CCDC169: variants seen among roughly 807,000 people sequenced by gnomAD.
CCDC169 encodes coiled-coil domain containing 169.
A neutral mutation model predicts 36.0 loss-of-function variants in CCDC169; 30 were observed. The observed-to-expected ratio is 0.83, with a 90% CI of 0.62 to 1.13. CCDC169 has a LOEUF of 1.13. Ranked by LOEUF, CCDC169 falls within the 50% of genes most tolerant of loss-of-function variation. The pLI, the probability that CCDC169 is intolerant of heterozygous loss-of-function variation, is 0.00. For synonymous variants in CCDC169, 85 were observed against 81.5 expected, an observed-to-expected ratio of 1.04 and a Z score of -0.23; for missense variants, 245 against 245.9, an observed-to-expected ratio of 1.00 and a Z score of 0.03.
chr13:36,236,796 G>C (rs1026028701), intron 7 of CCDC169, among the ~76,000 whole-genome samples: 3 of 151,886 alleles, frequency 2.0e-5, no homozygotes, highest in African/African-American at 7.2e-5. Context: ...AATAGGCAAA[G>C]GACTTGAATA....
chr13:36,243,586 C>A (rs970996728), intron 7 of CCDC169, among the ~76,000 whole-genome samples: 1 of 152,070 alleles, frequency 6.6e-6, no homozygotes. Context: ...GCAGGCGGAT[C>A]ACCTGAGGTC....
At chr13:36,227,507 T>A (rs552702205), downstream of CCDC169, 5 of 1,095,372 alleles carry the variant, frequency 4.6e-6, no homozygotes, top group South Asian at 2.1e-4. Flanking sequence ...CAAAAATAAA[T>A]AAATAAATAA....
chr13:36,257,675 C>T (rs1334189052), intron 4 of CCDC169, among the ~76,000 whole-genome samples: 3 of 151,656 alleles, frequency 2.0e-5, no homozygotes, highest in South Asian at 2.1e-4. Context: ...TGTACTCCAC[C>T]CTGGCAACAC....
chr13:36,227,461 G>C, downstream of CCDC169: 1 of 1,357,812 alleles, frequency 7.4e-7, no homozygotes, highest in Non-Finnish European at 9.6e-7. Flanking sequence ...ATTCCAACCA[G>C]TTTATTGTAT....
chr13:36,251,359 C>T (rs1005651994), intron 6 of CCDC169, among the ~76,000 whole-genome samples: 2 of 145,238 alleles, frequency 1.4e-5, no homozygotes, highest in African/African-American at 2.5e-5. Flanking sequence ...ATTAACAATT[C>T]ACTCTAGAGT....
At chr13:36,250,980 G>C (rs1046662020) in intron 6 of CCDC169, among the ~76,000 whole-genome samples, 2 of 152,192 alleles carry the variant, frequency 1.3e-5, no homozygotes, top group Non-Finnish European at 2.9e-5. Context: ...TGTTTACAAA[G>C]ATAGAAGCTA....
downstream of CCDC169, among the ~76,000 whole-genome samples, chr13:36,229,139 G>A (rs901663184): frequency 1.1e-4 from 16 of 152,194 alleles, no homozygotes; most frequent in South Asian, 2.9e-3. Context: ...TAAATATGTG[G>A]TAAGTACCCT....
In CCDC169 at chr13:36,254,149, A is replaced by G. The variant is rs968555733; in HGVS notation, c.316-6T>C. On this transcript the variant is annotated splice_region_variant and splice_polypyrimidine_tract_variant and intron_variant, in intron 4 of 7. Coordinates refer to ENST00000239859, the MANE Select transcript of CCDC169 (RefSeq NM_001144981.3). ...AGTAATGTGTTTAAGGATTCCTAAA[A>G]ATATAAATAGTAAAATTTTATATGT... 3.8e-5 allele frequency: 57 copies of G among 1,493,834 alleles called. No homozygotes were observed. The highest frequency in any genetic ancestry group is 5.0e-5 in the Non-Finnish European group (56 of 1,122,686). The allele number at this position is 1,493,834 out of a possible 1,614,324, so 92.5% of individuals were successfully genotyped here.
At chr13:36,227,251 A>G, downstream of CCDC169, 1 of 1,551,266 alleles carries the variant, frequency 6.4e-7, no homozygotes, top group South Asian at 1.2e-5. Context: ...GACCCATGTA[A>G]GCAGGCGGGC....
chr13:36,285,607 A>ATAGATAGATAGATAGATAGATAGATAGC (rs1180330152), intron 2 of CCDC169, among the ~76,000 whole-genome samples: 3 of 149,162 alleles, frequency 2.0e-5, no homozygotes, highest in African/African-American at 4.9e-5. Context: ...AGATAGATAG[A>ATAGATAGATAGATAGATAGATAGATAGC]TAGATAGATA....
Position 36,288,086 on chromosome 13 carries a change from G to A in CCDC169, c.164-4384C>T, listed in dbSNP as rs536706869. Among the ~76,000 whole-genome samples, 36 of 151,958 alleles carry A rather than the reference G, an allele frequency of 2.4e-4. 1 individual carries two copies. In the South Asian group the frequency reaches 6.2e-3, roughly 26 times the overall value. On this transcript the variant is annotated intron_variant, in intron 2 of 7. Coordinates refer to ENST00000239859, the MANE Select transcript of CCDC169 (RefSeq NM_001144981.3). ...TGCAGTGGCGCAATCTTGGCTCACT[G>A]CAAGCTCCACCTCCCTGATTCACGC...
chr13:36,285,361 CA>C lies in CCDC169; in HGVS notation c.164-1660del, dbSNP rs1878048057. Among the ~76,000 whole-genome samples the C allele has an allele frequency of 2.0e-5, 3 of 152,094 alleles. No individual in the cohort carries two copies. The South Asian group carries it at 6.2e-4, about 32-fold the overall frequency. On this transcript the variant is annotated intron_variant, in intron 2 of 7. Coordinates refer to ENST00000239859, the MANE Select transcript of CCDC169 (RefSeq NM_001144981.3). The stretch of plus-strand genomic sequence containing the variant: ...GTCAGGAGTTCAAGACTAGCCTGGC[CA>C]ATGTGGTGAAACCCCGTCTCTACTA...
intron 4 of CCDC169, among the ~76,000 whole-genome samples, chr13:36,276,511 C>T (rs771949723): frequency 6.6e-6 from 1 of 152,188 alleles, no homozygotes; most frequent in Non-Finnish European, 1.5e-5. Context: ...TCTACACCTT[C>T]TCCCCCATTC....
chr13:36,229,233 A>G (rs1870160239), downstream of CCDC169, among the ~76,000 whole-genome samples: 1 of 152,194 alleles, frequency 6.6e-6, no homozygotes, highest in Non-Finnish European at 1.5e-5. Context: ...TCAGAAGCTT[A>G]TAAGTGGCAA....
At chr13:36,233,395 C>A (rs9546801) in intron 7 of CCDC169, among the ~76,000 whole-genome samples, 61,579 of 151,808 alleles carry the variant, frequency 0.41, 13,248 homozygotes, top group Non-Finnish European at 0.48. Context: ...GTTTTCAAAA[C>A]AAAATTACAA....
At chr13:36,261,581 T>C (rs972327) in intron 4 of CCDC169, among the ~76,000 whole-genome samples, 61,624 of 152,044 alleles carry the variant, frequency 0.41, 13,264 homozygotes, top group Non-Finnish European at 0.48. Flanking sequence ...ACAATCTTAC[T>C]ATCCTTTTCA....
At chr13:36,273,584 G>A (rs937262323) in intron 4 of CCDC169, among the ~76,000 whole-genome samples, 3 of 152,088 alleles carry the variant, frequency 2.0e-5, no homozygotes, top group East Asian at 1.9e-4. Context: ...ATAATACTAC[G>A]CTTCAATAAT....
At chr13:36,252,779 A>G (rs1873331384) in intron 6 of CCDC169, among the ~76,000 whole-genome samples, 1 of 152,342 alleles carries the variant, frequency 6.6e-6, no homozygotes, top group Non-Finnish European at 1.5e-5. Context: ...CCTGAGAGTC[A>G]TATATCCAAC....
chr13:36,237,048 T>A (rs1285978754), intron 7 of CCDC169, among the ~76,000 whole-genome samples: 4 of 147,910 alleles, frequency 2.7e-5, no homozygotes, highest in African/African-American at 7.3e-5. Context: ...GTTGGGTTTT[T>A]AAAAATTATT....
Sources: allele counts gnomAD v4.1 joint callset (sites outside exome capture counted in the v4.1 genomes callset), GRCh38; gene constraint gnomAD v4.1.1; transcripts MANE v1.5; gene names NCBI Gene and HGNC (gene_info 2026-07-23, HGNC 2026-07-21).